Variants in LYZL2 observed in about 807,000 individuals in gnomAD.
LYZL2 encodes the protein lysozyme-like protein 2.
LYZL2 carries 13 observed loss-of-function variants against 17.1 expected under a neutral mutation model. That is an observed-to-expected ratio of 0.76 (90% CI 0.49 to 1.21). LYZL2 has a LOEUF of 1.21. Ranked by LOEUF, LYZL2 falls within the 50% of genes most tolerant of loss-of-function variation. The pLI is 0.00. For synonymous variants in LYZL2, 63 were observed against 74.4 expected (o/e 0.85, Z 0.79); for missense variants, 166 against 189.2 (o/e 0.88, Z 0.72).
At chr10:30,608,258 T>C (rs948351170), downstream of LYZL2, among the ~76,000 whole-genome samples, 1 of 152,218 alleles carries the variant, frequency 6.6e-6, no homozygotes, top group East Asian at 1.9e-4. Context: ...ACCTTTTAAA[T>C]CAAAAAATGT....
At chr10:30,617,764 C>T (rs1159272684) in intron 3 of LYZL2, among the ~76,000 whole-genome samples, 3 of 149,648 alleles carry the variant, frequency 2.0e-5, no homozygotes, top group African/African-American at 7.4e-5. Flanking sequence ...AAAACTAGCA[C>T]AAGACAGGGA....
chr10:30,625,241 G>T (rs183080740), intron 3 of LYZL2, among the ~76,000 whole-genome samples: 23 of 152,230 alleles, frequency 1.5e-4, no homozygotes, highest in African/African-American at 5.3e-4. Flanking sequence ...ATTTTTTAGG[G>T]CAGCATTAGA....
At chr10:30,627,968 G>A (rs929115840) in intron 1 of LYZL2, among the ~76,000 whole-genome samples, 1 of 152,132 alleles carries the variant, frequency 6.6e-6, no homozygotes, top group Non-Finnish European at 1.5e-5. Context: ...GACCATCCTG[G>A]CTAATGCGGT....
At chr10:30,617,387 G>A (rs1838545127) in intron 3 of LYZL2, among the ~76,000 whole-genome samples, 1 of 152,126 alleles carries the variant, frequency 6.6e-6, no homozygotes, top group Non-Finnish European at 1.5e-5. Context: ...CCTTAGGAAA[G>A]TATGTCGACC....
rs1838449724 is a variant in LYZL2 at position 30,611,840 on chromosome 10, T to C, written c.*115A>G. The C allele has an allele frequency of 1.3e-6, 2 of 1,559,520 alleles. No homozygotes were observed. The highest frequency in any genetic ancestry group is 2.3e-5 in the East Asian group (1 of 43,536). ...CTTAAAAGTATAGCTTAATTTTCCCTCTCCAAGTTTGAGAAGGAATATTGG... is the reference window on the plus strand; with the variant it reads ...CTTAAAAGTATAGCTTAATTTTCCCCCTCCAAGTTTGAGAAGGAATATTGG... On this transcript the variant is annotated 3_prime_UTR_variant, in exon 5 of 5. Coordinates refer to ENST00000647634, the MANE Select transcript of LYZL2 (RefSeq NM_183058.3).
intron 1 of LYZL2, among the ~76,000 whole-genome samples, 176 bp from the exon 2 acceptor site, chr10:30,627,116 T>A (rs1441736603): frequency 6.6e-6 from 1 of 152,156 alleles, no homozygotes; most frequent in Non-Finnish European, 1.5e-5. Flanking sequence ...CTGCAGGCTG[T>A]CTCCTTAATG....
intron 1 of LYZL2, 147 bp downstream of exon 1, chr10:30,629,446 T>C (rs1838771012): frequency 1.5e-6 from 1 of 674,000 alleles, no homozygotes; most frequent in African/African-American, 1.8e-5. Flanking sequence ...TTCCATCCTC[T>C]GCCTTAGAAT....
rs1469333362 is a variant in LYZL2, at chr10:30,618,131, C to A, written c.299-5231G>T. 2.0e-5 allele frequency among the ~76,000 whole-genome samples: 3 copies of A among 151,808 alleles called. No individual in the cohort carries two copies. In the East Asian group the frequency reaches 5.8e-4, roughly 29 times the overall value. ...TCCAACTTACAAGGGACGTGAAGGA[C>A]CTCTTCAAGGAGAACTACAAACCAC... is the stretch of plus-strand genomic sequence containing the variant. On this transcript the variant is annotated intron_variant, in intron 3 of 4. Transcript: ENST00000647634.
the LYZL2 span, among the ~76,000 whole-genome samples, chr10:30,606,496 G>T: frequency 6.6e-6 from 1 of 151,934 alleles, no homozygotes; most frequent in South Asian, 2.1e-4. Context: ...GGGACTAGCA[G>T]GCATGCACCT....
At chr10:30,608,118 C>T (rs924396474), downstream of LYZL2, among the ~76,000 whole-genome samples, 1 of 152,126 alleles carries the variant, frequency 6.6e-6, no homozygotes, top group African/African-American at 2.4e-5. Context: ...AATTTTAAAA[C>T]TTTTTGTAGA....
the LYZL2 span, among the ~76,000 whole-genome samples, chr10:30,606,769 A>G: frequency 6.6e-6 from 1 of 152,110 alleles, no homozygotes. Context: ...ACTTTGCTCT[A>G]TCACCAGGGA....
At chr10:30,608,899 G>C (rs1838402618), downstream of LYZL2, among the ~76,000 whole-genome samples, 2 of 152,208 alleles carry the variant, frequency 1.3e-5, no homozygotes, top group Admixed American at 1.3e-4. Context: ...GAGTGCAGTG[G>C]CTCGATCATA....
chr10:30,611,206 C>T (rs387222), downstream of LYZL2, among the ~76,000 whole-genome samples: 5,257 of 152,138 alleles, frequency 0.035, 272 homozygotes, highest in African/African-American at 0.12. Flanking sequence ...AGTCTTAACA[C>T]GATGCCATTA....
intron 3 of LYZL2, among the ~76,000 whole-genome samples, chr10:30,618,807 A>G (rs537013015): frequency 1.8e-4 from 28 of 152,380 alleles, no homozygotes; most frequent in African/African-American, 6.0e-4. Context: ...AATGGCAACA[A>G]AAGCCAAAAT....
At chr10:30,610,313 T>C (rs1395423028), downstream of LYZL2, among the ~76,000 whole-genome samples, 1 of 152,180 alleles carries the variant, frequency 6.6e-6, no homozygotes, top group African/African-American at 2.4e-5. Context: ...TATTAGACTT[T>C]CCAGCAGGAT....
chr10:30,610,812 T>G (rs1346988009), downstream of LYZL2, among the ~76,000 whole-genome samples: 1 of 152,142 alleles, frequency 6.6e-6, no homozygotes, highest in Non-Finnish European at 1.5e-5. Context: ...ATGGAAAACT[T>G]GGAAAATGCC....
intron 3 of LYZL2, among the ~76,000 whole-genome samples, chr10:30,618,959 A>T (rs1160566654): frequency 1.3e-5 from 2 of 151,338 alleles, no homozygotes; most frequent in African/African-American, 2.4e-5. Flanking sequence ...GAATCTACAA[A>T]GAACTCAAAC....
At chr10:30,618,646 C>G (rs1838572532) in intron 3 of LYZL2, among the ~76,000 whole-genome samples, 1 of 152,152 alleles carries the variant, frequency 6.6e-6, no homozygotes, top group Non-Finnish European at 1.5e-5. Context: ...AAACTGGATC[C>G]CTTCCTTACA....
chr10:30,624,547 T>A (rs913906260), intron 3 of LYZL2, among the ~76,000 whole-genome samples: 1 of 152,232 alleles, frequency 6.6e-6, no homozygotes, highest in Non-Finnish European at 1.5e-5. Context: ...TAGAGTCTAT[T>A]AATATTCTCT....
Sources: allele counts gnomAD v4.1 joint callset (sites outside exome capture counted in the v4.1 genomes callset), GRCh38; gene constraint gnomAD v4.1.1; transcripts MANE v1.5; gene names NCBI Gene and HGNC (gene_info 2026-07-23, HGNC 2026-07-21).